Variants in GRID2 observed in about 807,000 individuals in gnomAD.
GRID2 encodes glutamate ionotropic receptor delta type subunit 2, also known as glutamate receptor ionotropic, delta-2.
GRID2 carries 33 observed loss-of-function variants against 114.8 expected under a neutral mutation model. The observed-to-expected ratio is 0.29, with a 90% CI of 0.22 to 0.38. The LOEUF is 0.38. GRID2 is among the 10% of genes least tolerant of loss of function. The pLI, the probability that GRID2 is intolerant of heterozygous loss-of-function variation, is 1.00. For missense variants in GRID2, 1,184 were observed against 1,257.7 expected (o/e 0.94, Z 0.89); for synonymous variants, 505 against 449.9 (o/e 1.12, Z -1.55).
intron 4 of GRID2, among the ~76,000 whole-genome samples, chr4:93,161,715 T>C (rs923057221): frequency 6.6e-6 from 1 of 151,832 alleles, no homozygotes; most frequent in African/African-American, 2.4e-5. Context: ...TGACTGAAAC[T>C]ATCATCTCCA....
chr4:92,996,152 T>C (rs1174587546), intron 2 of GRID2, among the ~76,000 whole-genome samples: 1 of 151,838 alleles, frequency 6.6e-6, no homozygotes, highest in Non-Finnish European at 1.5e-5. Flanking sequence ...TAGCCAGGCA[T>C]GGTAGCAGGA....
intron 1 of GRID2, among the ~76,000 whole-genome samples, chr4:92,318,290 G>GTGTATATA (rs369526929): frequency 0.014 from 1,460 of 103,958 alleles, 6 homozygotes; most frequent in Middle Eastern, 0.026. Flanking sequence ...ATATATGTGT[G>GTGTATATA]TATATATATA....
At position 93,529,860 on chromosome 4, in the gene GRID2, A is replaced by C. The variant is rs186074055; in HGVS notation, c.2193+14449A>C. Among the ~76,000 whole-genome samples the C allele has an allele frequency of 5.9e-5, 9 of 152,198 alleles. No homozygotes were observed. In the East Asian group the frequency reaches 1.5e-3, roughly 26 times the overall value. On this transcript the variant is annotated intron_variant, in intron 13 of 15. Coordinates refer to ENST00000282020, the MANE Select transcript of GRID2 (RefSeq NM_001510.4). Reference sequence around the variant, plus strand: ...AAACAATACTTATCTGCTTGCTGCAAATCTTCACCTGGATGTCCTGTCAGT... The same window carrying C: ...AAACAATACTTATCTGCTTGCTGCACATCTTCACCTGGATGTCCTGTCAGT...
chr4:92,851,121 T>A (rs188465942), intron 2 of GRID2, among the ~76,000 whole-genome samples: 1 of 152,040 alleles, frequency 6.6e-6, no homozygotes, highest in East Asian at 1.9e-4. Context: ...CCTTAATTAT[T>A]TCAAATCAGG....
At chr4:93,584,435 A>T (rs1737330659) in intron 13 of GRID2, among the ~76,000 whole-genome samples, 1 of 152,110 alleles carries the variant, frequency 6.6e-6, no homozygotes, top group African/African-American at 2.4e-5. Context: ...CTTTTGAAAA[A>T]AATTTTCTTC....
chr4:93,250,681 T>A (rs912383175), intron 8 of GRID2, among the ~76,000 whole-genome samples: 18 of 146,676 alleles, frequency 1.2e-4, no homozygotes, highest in African/African-American at 4.5e-4. Context: ...ATTTTATATA[T>A]TATATATATA....
At chr4:92,535,407 A>T (rs1725568292) in intron 1 of GRID2, among the ~76,000 whole-genome samples, 1 of 152,164 alleles carries the variant, frequency 6.6e-6, no homozygotes, top group South Asian at 2.1e-4. Context: ...CAATGGAAAC[A>T]ACTATCTTTA....
At chr4:93,018,508 C>T (rs973187330) in intron 2 of GRID2, among the ~76,000 whole-genome samples, 6 of 151,984 alleles carry the variant, frequency 3.9e-5, no homozygotes, top group South Asian at 2.1e-4. Context: ...TTTTCACTAA[C>T]GAAAAGTTAG....
At chr4:92,757,440 T>G (rs1737777281) in intron 2 of GRID2, among the ~76,000 whole-genome samples, 1 of 152,094 alleles carries the variant, frequency 6.6e-6, no homozygotes, top group African/African-American at 2.4e-5. Flanking sequence ...TCACAAACAT[T>G]TATTCACAAC....
intron 7 of GRID2, among the ~76,000 whole-genome samples, chr4:93,232,284 A>G (rs866219674): frequency 2.3e-4 from 35 of 152,212 alleles, no homozygotes; most frequent in African/African-American, 8.2e-4. Flanking sequence ...ATCACTGGAC[A>G]TTTTCTATGT....
At chr4:92,470,717 T>A (rs1354798979) in intron 1 of GRID2, among the ~76,000 whole-genome samples, 1 of 151,994 alleles carries the variant, frequency 6.6e-6, no homozygotes, top group Non-Finnish European at 1.5e-5. Flanking sequence ...ATATTTGTAT[T>A]TTCAATAATG....
chr4:93,033,842 C>A (rs981355432), intron 2 of GRID2, among the ~76,000 whole-genome samples: 16 of 152,156 alleles, frequency 1.1e-4, no homozygotes, highest in Non-Finnish European at 5.9e-5. Context: ...CTATCTCAAG[C>A]AGGTCATTTA....
At chr4:92,345,421 G>A (rs544819986) in intron 1 of GRID2, among the ~76,000 whole-genome samples, 1 of 152,314 alleles carries the variant, frequency 6.6e-6, no homozygotes, top group South Asian at 2.1e-4. Flanking sequence ...ATAAACGTGT[G>A]TGCATCTGTC....
intron 4 of GRID2, among the ~76,000 whole-genome samples, chr4:93,173,867 G>A (rs1247483191): frequency 6.6e-6 from 1 of 152,102 alleles, no homozygotes; most frequent in Non-Finnish European, 1.5e-5. Context: ...CTGAGTTCAA[G>A]CGATCTGCCT....
chr4:93,486,272 C>T (rs1726394879), intron 11 of GRID2, among the ~76,000 whole-genome samples: 1 of 151,544 alleles, frequency 6.6e-6, no homozygotes, highest in African/African-American at 2.4e-5. Context: ...AGATTTTCTA[C>T]ATACATATTC....
intron 1 of GRID2, among the ~76,000 whole-genome samples, chr4:92,380,812 C>T (rs1729587048): frequency 6.6e-6 from 1 of 151,902 alleles, no homozygotes; most frequent in Non-Finnish European, 1.5e-5. Context: ...GTAAATTTGA[C>T]TAATTAAATT....
Position 92,817,073 on chromosome 4 carries a change from C to G in GRID2, c.244+226787C>G, listed in dbSNP as rs185579605. On this transcript the variant is annotated intron_variant, in intron 2 of 15. Coordinates refer to ENST00000282020, the MANE Select transcript of GRID2 (RefSeq NM_001510.4). Reference sequence around the variant, plus strand: ...TCACCTAGTTACACAATTCAGGGACCCAGGAGTCACCATTAACCCTACACT... The same window carrying G: ...TCACCTAGTTACACAATTCAGGGACGCAGGAGTCACCATTAACCCTACACT... 2.0e-3 allele frequency among the ~76,000 whole-genome samples: 301 copies of G among 151,970 alleles called. 1 individual carries two copies. The highest frequency in any genetic ancestry group is 6.8e-3 in the Middle Eastern group (2 of 292).
At chr4:92,724,707 A>G (rs1735982528) in intron 2 of GRID2, among the ~76,000 whole-genome samples, 1 of 152,128 alleles carries the variant, frequency 6.6e-6, no homozygotes, top group African/African-American at 2.4e-5. Flanking sequence ...CAATTTTCTT[A>G]TTTCTAAAAT....
chr4:92,730,919 ATATAT>A (rs941738350), intron 2 of GRID2, among the ~76,000 whole-genome samples: 9 of 152,152 alleles, frequency 5.9e-5, no homozygotes, highest in South Asian at 4.1e-4. Flanking sequence ...TTGAATACTA[ATATAT>A]TATACAAAAA....
Sources: gnomAD v4.1 joint callset for allele counts (sites outside exome capture counted in the v4.1 genomes callset) on GRCh38, gnomAD v4.1.1 for gene constraint, MANE v1.5 for transcripts, NCBI Gene and HGNC (gene_info 2026-07-23, HGNC 2026-07-21) for gene names.